The following MFSD1 variants were observed in gnomAD, a reference collection of about 807,000 sequenced individuals.
MFSD1 encodes the protein lysosomal dipeptide transporter MFSD1.
A neutral mutation model predicts 67.1 loss-of-function variants in MFSD1; 59 were observed. The observed-to-expected ratio is 0.88, with a 90% CI of 0.71 to 1.09. The LOEUF (loss-of-function observed/expected upper bound fraction) is 1.09, where lower values mean the gene tolerates loss of function less well. Among genes scored for constraint, MFSD1 ranks in the 50% least tolerant of loss-of-function variants. The pLI is 0.00. For synonymous variants in MFSD1, 213 were observed against 200.3 expected, an observed-to-expected ratio of 1.06 and a Z score of -0.54; for missense variants, 552 against 566.1, an observed-to-expected ratio of 0.97 and a Z score of 0.25.
intron 15 of MFSD1, among the ~76,000 whole-genome samples, chr3:158,828,026 C>T (rs73019645): frequency 0.054 from 8,041 of 149,786 alleles, 272 homozygotes; most frequent in African/African-American, 0.099. Context: ...GAAAGGCCTT[C>T]GTCCTGAGGT....
At chr3:158,817,926 T>A (rs1282488115) in intron 7 of MFSD1, among the ~76,000 whole-genome samples, 1 of 152,170 alleles carries the variant, frequency 6.6e-6, no homozygotes, top group Non-Finnish European at 1.5e-5. Context: ...TCCTGTTCAA[T>A]TTGGATCCTA....
In MFSD1 at chr3:158,826,167, G is replaced by A. The variant is rs1484985283; in HGVS notation, c.1336+105G>A. 6.3e-6 allele frequency: 5 copies of A among 795,302 alleles called. No homozygotes were observed. The South Asian group carries it at 6.3e-5, about 10-fold the overall frequency. The allele number at this position is 795,302 out of a possible 1,614,324, so 49.3% of individuals were successfully genotyped here. A position where few individuals can be genotyped will look rare whatever the true frequency, so the allele number is the denominator to read the frequency against. On this transcript the variant is annotated intron_variant, in intron 14 of 15. Coordinates refer to ENST00000415822, the MANE Select transcript of MFSD1 (RefSeq NM_022736.4). Reference sequence around the variant, plus strand: ...CCAGTGCTTTATTCCATGCAGTAATGACTTTCTGTTCATAATGATGGAAAC... The same window carrying A: ...CCAGTGCTTTATTCCATGCAGTAATAACTTTCTGTTCATAATGATGGAAAC...
At chr3:158,825,128 G>A (rs546251230) in intron 13 of MFSD1, 4 of 152,210 alleles carry the variant, frequency 2.6e-5, no homozygotes, top group South Asian at 2.1e-4. Context: ...ACAGTGTGCC[G>A]TTTGAATATG....
intron 7 of MFSD1, 87 bp downstream of exon 7, chr3:158,814,154 T>A: frequency 3.1e-6 from 3 of 952,610 alleles, no homozygotes; most frequent in Non-Finnish European, 4.9e-6. Flanking sequence ...ACACTGGAAT[T>A]TGTATCTACT....
At chr3:158,803,645 A>G (rs1321836593) in intron 1 of MFSD1, among the ~76,000 whole-genome samples, 1 of 152,192 alleles carries the variant, frequency 6.6e-6, no homozygotes, top group East Asian at 1.9e-4. Flanking sequence ...TAGTAGAGCT[A>G]TGGAGGCAAT....
chr3:158,826,634 C>G (rs1417019496), intron 14 of MFSD1, among the ~76,000 whole-genome samples: 4 of 149,896 alleles, frequency 2.7e-5, no homozygotes, highest in African/African-American at 9.8e-5. Context: ...AATTTCAGGT[C>G]ATTTCCTTTT....
chr3:158,803,326 T>A (rs1487916928), intron 1 of MFSD1, among the ~76,000 whole-genome samples: 5 of 152,118 alleles, frequency 3.3e-5, no homozygotes, highest in Non-Finnish European at 5.9e-5. Flanking sequence ...GAAGGATGCT[T>A]TGGGCTTTGG....
In MFSD1 at chr3:158,819,640, T is replaced by A. The variant is rs1559921715; in HGVS notation, c.653-9T>A. On this transcript the variant is annotated splice_polypyrimidine_tract_variant and intron_variant, in intron 7 of 15. Transcript: ENST00000415822. ...AGTCTGTTTTTCTTTTTTTTTTTTT[T>A]TTATTTAGGGGGTATAACGTGTATT... 19 of 1,394,624 alleles carry A rather than the reference T, an allele frequency of 1.4e-5. No homozygotes were observed. Among genetic ancestry groups the A allele is most frequent in the South Asian group, 3.9e-5 (3 of 76,270 alleles). The allele number at this position is 1,394,624 out of a possible 1,614,324, so 86.4% of individuals were successfully genotyped here. A position where few individuals can be genotyped will look rare whatever the true frequency, so the allele number is the denominator to read the frequency against.
intron 13 of MFSD1, chr3:158,824,519 T>C (rs1730857513): frequency 3.3e-6 from 1 of 305,594 alleles, no homozygotes. Context: ...GAGTCCTGAG[T>C]ATATCCTTAA....
intron 4 of MFSD1, 33 bp from the exon 5 acceptor site, chr3:158,807,363 T>A: frequency 6.4e-7 from 1 of 1,554,476 alleles, no homozygotes; most frequent in Non-Finnish European, 8.9e-7. Flanking sequence ...AATTTACTTT[T>A]TCATTAATTT....
chr3:158,805,514 T>G (rs1290030455), intron 3 of MFSD1, 40 bp downstream of exon 3: 2 of 1,405,402 alleles, frequency 1.4e-6, no homozygotes, highest in Admixed American at 1.7e-5. Context: ...CTTACCTGAT[T>G]GTTAGAAAAA....
intron 12 of MFSD1, among the ~76,000 whole-genome samples, chr3:158,823,762 C>G (rs1216551176): frequency 6.6e-6 from 1 of 152,116 alleles, no homozygotes; most frequent in Non-Finnish European, 1.5e-5. Context: ...ATTATAATCT[C>G]CCTGCCTGTT....
intron 6 of MFSD1, among the ~76,000 whole-genome samples, chr3:158,811,803 C>T (rs886592859): frequency 3.9e-5 from 6 of 152,162 alleles, no homozygotes; most frequent in African/African-American, 1.4e-4. Context: ...TTATAAAATA[C>T]TAGCTAATGG....
At chr3:158,809,080 G>A in intron 5 of MFSD1, 99 bp from the exon 6 acceptor site, 1 of 828,540 alleles carries the variant, frequency 1.2e-6, no homozygotes, top group South Asian at 2.0e-5. Context: ...CCCATCTCTT[G>A]ATAGGAGAAG....
intron 10 of MFSD1, 35 bp downstream of exon 10, chr3:158,821,688 A>T (rs375528952): frequency 2.0e-6 from 3 of 1,491,626 alleles, no homozygotes; most frequent in Non-Finnish European, 2.8e-6. Flanking sequence ...TGCCTATTGC[A>T]TGTGAAGTAT....
At chr3:158,811,224 C>G (rs1050791368) in intron 6 of MFSD1, among the ~76,000 whole-genome samples, 3 of 152,322 alleles carry the variant, frequency 2.0e-5, no homozygotes, top group South Asian at 4.1e-4. Flanking sequence ...GCTTAAGCAA[C>G]TGTGAGCGCT....
At chr3:158,827,713 G>T (rs988374047) in intron 15 of MFSD1, among the ~76,000 whole-genome samples, 11 of 152,072 alleles carry the variant, frequency 7.2e-5, no homozygotes, top group African/African-American at 2.7e-4. Flanking sequence ...ACTGCGCCTG[G>T]CCTGGGCTTT....
At chr3:158,813,152 C>CT (rs899632957) in intron 6 of MFSD1, among the ~76,000 whole-genome samples, 1,680 of 129,546 alleles carry the variant, frequency 0.013, 28 homozygotes, top group East Asian at 0.049. Flanking sequence ...ATGCTTTCTT[C>CT]TTTTTTTTTT....
At chr3:158,825,549 G>A (rs1730923106) in intron 13 of MFSD1, among the ~76,000 whole-genome samples, 1 of 152,232 alleles carries the variant, frequency 6.6e-6, no homozygotes. Context: ...ATTGATTTGA[G>A]TCTAATGATC....
Sources: allele counts gnomAD v4.1 joint callset (sites outside exome capture counted in the v4.1 genomes callset), GRCh38; gene constraint gnomAD v4.1.1; transcripts MANE v1.5; gene names NCBI Gene and HGNC (gene_info 2026-07-23, HGNC 2026-07-21).